The following WDPCP variants were observed in gnomAD, a reference collection of about 807,000 sequenced individuals.
The protein encoded by WDPCP is WD repeat containing planar cell polarity effector.
Under a neutral mutation model 93.1 loss-of-function variants are expected in WDPCP, and 71 were observed. The ratio of observed to expected loss-of-function variants is 0.76; its 90% confidence interval spans 0.63 to 0.93. WDPCP has a LOEUF of 0.93. WDPCP is among the 40% of genes least tolerant of loss of function. The pLI, the probability that WDPCP is intolerant of heterozygous loss-of-function variation, is 0.00. For missense variants in WDPCP, 844 were observed against 887.4 expected (o/e 0.95, Z 0.62); for synonymous variants, 315 against 315.0 (o/e 1.00, Z 0.00).
In WDPCP at chr2:63,120,120, T is replaced by G. The variant is rs1167492256; in HGVS notation, c.*1886A>C. Among the ~76,000 whole-genome samples the G allele has an allele frequency of 6.6e-6, 1 of 152,180 alleles. No individual in the cohort carries two copies. The highest frequency in any genetic ancestry group is 1.5e-5 in the Non-Finnish European group (1 of 68,010). ...ATCTCACAGGAAAGGTATTTTGGGT[T>G]AATGACTATTTACCCGGAAAATCTG... On this transcript the variant is annotated 3_prime_UTR_variant, in exon 18 of 18. Coordinates refer to ENST00000272321, the MANE Select transcript of WDPCP (RefSeq NM_015910.7).
chr2:63,338,579 T>A (rs1288972528), intron 12 of WDPCP, among the ~76,000 whole-genome samples: 29 of 10,058 alleles, frequency 2.9e-3, no homozygotes, highest in Non-Finnish European at 3.7e-3. Flanking sequence ...AATATATATA[T>A]ATATATATAT....
rs963683427 is a variant in WDPCP, at chr2:63,742,310, G to A, written n.308+71312C>T. ...GGGAGGAAGGAAGGGAGAAAGGAAG[G>A]AAAGTTTCTATTTCAATGTCTGTAT... On this transcript the variant is annotated intron_variant and non_coding_transcript_variant, in intron 2 of 4. Transcript: ENST00000467687. Among the ~76,000 whole-genome samples the A allele has an allele frequency of 5.3e-5, 8 of 151,888 alleles. No homozygotes were observed. The South Asian group carries it at 1.0e-3, about 20-fold the overall frequency.
At chr2:63,831,575 C>T (rs966637250), upstream of WDPCP, among the ~76,000 whole-genome samples, 2 of 151,912 alleles carry the variant, frequency 1.3e-5, no homozygotes, top group Non-Finnish European at 2.9e-5. Flanking sequence ...TTTAAATGCC[C>T]ATACTAGTGA....
chr2:63,505,053 G>A (rs180727324), intron 1 of WDPCP, among the ~76,000 whole-genome samples: 8 of 152,022 alleles, frequency 5.3e-5, no homozygotes, highest in African/African-American at 1.7e-4. Context: ...ATTTGGTAGT[G>A]GCACCCATTA....
intron 10 of WDPCP, among the ~76,000 whole-genome samples, chr2:63,390,559 C>T (rs539261240): frequency 3.3e-5 from 5 of 152,048 alleles, no homozygotes; most frequent in Non-Finnish European, 5.9e-5. Flanking sequence ...CAGAGCAGAA[C>T]TGAAAGAGAT....
chr2:63,170,413 C>T (rs531648220), intron 15 of WDPCP, among the ~76,000 whole-genome samples: 2 of 152,112 alleles, frequency 1.3e-5, no homozygotes, highest in Admixed American at 1.3e-4. Flanking sequence ...GCTGGGATTA[C>T]AGACATGTGC....
intron 2 of WDPCP, among the ~76,000 whole-genome samples, chr2:63,660,452 A>T: frequency 6.6e-6 from 1 of 152,218 alleles, no homozygotes; most frequent in East Asian, 1.9e-4. Flanking sequence ...TTTTACTAAG[A>T]ACATGGATGT....
At position 63,416,230 on chromosome 2, in the gene WDPCP, C is replaced by T. The variant is rs553549009; in HGVS notation, c.826-11573G>A. Among the ~76,000 whole-genome samples the T allele has an allele frequency of 1.2e-4, 18 of 148,966 alleles. No individual in the cohort carries two copies. In the East Asian group the frequency reaches 3.5e-3, roughly 29 times the overall value. On this transcript the variant is annotated intron_variant, in intron 9 of 17. Coordinates refer to ENST00000272321, the MANE Select transcript of WDPCP (RefSeq NM_015910.7). ...TTTTTTTTCTTTTGAAACAGAGTCT[C>T]GCTCTGTCACCCAGACTGGAGTGCA...
chr2:63,619,073 A>G (rs1463265914), intron 3 of WDPCP, among the ~76,000 whole-genome samples: 1 of 152,232 alleles, frequency 6.6e-6, no homozygotes, highest in Non-Finnish European at 1.5e-5. Context: ...GTTAAAATGT[A>G]AAATTAAACA....
chr2:63,558,214 T>C (rs923534241), intron 1 of WDPCP, among the ~76,000 whole-genome samples: 7 of 151,464 alleles, frequency 4.6e-5, no homozygotes, highest in Non-Finnish European at 2.9e-5. Context: ...ATTAACAAAA[T>C]AGACGGCTAG....
intron 12 of WDPCP, among the ~76,000 whole-genome samples, chr2:63,321,213 A>T (rs528196342): frequency 3.7e-4 from 56 of 152,268 alleles, no homozygotes; most frequent in Admixed American, 5.2e-4. Context: ...TCAGCAAGAT[A>T]AACAAATGGA....
rs62179396 is a variant in WDPCP at position 63,663,466 on chromosome 2, G to A, written n.309-12628C>T. On this transcript the variant is annotated intron_variant and non_coding_transcript_variant, in intron 2 of 4. Coordinates refer to the WDPCP transcript ENST00000467687. Reference sequence around the variant, plus strand: ...GAAAGCAATCATGAATGCTGGCGTGGGTTGGCTCCCAGCCTGACTCAGTCT... The same window carrying A: ...GAAAGCAATCATGAATGCTGGCGTGAGTTGGCTCCCAGCCTGACTCAGTCT... 5.2e-3 allele frequency among the ~76,000 whole-genome samples: 792 copies of A among 152,316 alleles called. 4 individuals are homozygous for A. The highest frequency in any genetic ancestry group is 7.9e-3 in the Non-Finnish European group (540 of 68,030).
intron 3 of WDPCP, among the ~76,000 whole-genome samples, chr2:63,635,539 A>G (rs1709912571): frequency 6.6e-6 from 1 of 152,208 alleles, no homozygotes; most frequent in South Asian, 2.1e-4. Flanking sequence ...AGTGAGATGC[A>G]AGGATGGTTC....
intron 2 of WDPCP, among the ~76,000 whole-genome samples, chr2:63,737,773 T>C (rs1247167483): frequency 6.6e-6 from 1 of 152,230 alleles, no homozygotes; most frequent in Non-Finnish European, 1.5e-5. Flanking sequence ...AGAACTGACA[T>C]AATTATACAA....
In WDPCP at chr2:63,674,588, G is replaced by T. The variant is rs371397687; in HGVS notation, n.309-23750C>A. Among the ~76,000 whole-genome samples, 175 of 152,176 alleles carry T rather than the reference G, an allele frequency of 1.1e-3. 2 individuals are homozygous for T. The Middle Eastern group carries it at 0.017, about 15-fold the overall frequency. On this transcript the variant is annotated intron_variant and non_coding_transcript_variant, in intron 2 of 4. Transcript: ENST00000467687. ...GCTCTTCAATATGTATAAAGTTTCA[G>T]TTATGCAGGATGAATAAGTTCTAGA...
intron 1 of WDPCP, among the ~76,000 whole-genome samples, chr2:63,559,970 C>T (rs997212783): frequency 6.6e-6 from 1 of 152,096 alleles, no homozygotes. Flanking sequence ...GTGGCTCACA[C>T]CTGTAATCAC....
chr2:63,412,872 A>G (rs892966627), intron 9 of WDPCP, among the ~76,000 whole-genome samples: 68 of 152,192 alleles, frequency 4.5e-4, no homozygotes, highest in African/African-American at 1.6e-3. Flanking sequence ...GAAATCATAG[A>G]TGACACAAAC....
chr2:63,193,233 T>G (rs1157417858), intron 14 of WDPCP, among the ~76,000 whole-genome samples: 1 of 152,198 alleles, frequency 6.6e-6, no homozygotes, highest in Non-Finnish European at 1.5e-5. Flanking sequence ...ACATAATCCT[T>G]TAATAAGCTT....
intron 3 of WDPCP, among the ~76,000 whole-genome samples, chr2:63,640,083 A>G (rs1276387862): frequency 1.3e-5 from 2 of 152,106 alleles, no homozygotes; most frequent in Non-Finnish European, 2.9e-5. Flanking sequence ...ATCTCTGCTC[A>G]CTGCACGCTC....
Sources: gnomAD v4.1 joint callset for allele counts (sites outside exome capture counted in the v4.1 genomes callset) on GRCh38, gnomAD v4.1.1 for gene constraint, MANE v1.5 for transcripts, NCBI Gene and HGNC (gene_info 2026-07-23, HGNC 2026-07-21) for gene names.